OSTF1: variants seen among roughly 807,000 people sequenced by gnomAD.
OSTF1 encodes osteoclast stimulating factor 1, also known as osteoclast-stimulating factor 1.
In OSTF1, 27 loss-of-function variants were observed where a neutral mutation model predicts 37.2. That is an observed-to-expected ratio of 0.73 (90% CI 0.54 to 1.00). The LOEUF (loss-of-function observed/expected upper bound fraction) is 1.00, where lower values mean the gene tolerates loss of function less well. Ranked by LOEUF, OSTF1 falls within the 50% of genes least tolerant of loss-of-function variation. The probability of loss-of-function intolerance (pLI) is 0.00; values close to 1 mark genes in which losing one functional copy is unlikely to be tolerated. For synonymous variants in OSTF1, 82 were observed against 89.2 expected (o/e 0.92, Z 0.46); for missense variants, 232 against 253.8 (o/e 0.91, Z 0.58).
intron 1 of OSTF1, among the ~76,000 whole-genome samples, chr9:75,094,706 T>A (rs961209164): frequency 6.6e-6 from 1 of 151,934 alleles, no homozygotes; most frequent in Non-Finnish European, 1.5e-5. Context: ...TGGGCTGATA[T>A]GAGTGAGGTG....
At chr9:75,144,050 G>A (rs992366942) in intron 9 of OSTF1, among the ~76,000 whole-genome samples, 59 of 152,248 alleles carry the variant, frequency 3.9e-4, no homozygotes, top group African/African-American at 1.4e-3. Flanking sequence ...GGATAGTGGA[G>A]TAGAAGGGGA....
chr9:75,139,243 A>ATGTTACCCT (rs1825900645), intron 8 of OSTF1, among the ~76,000 whole-genome samples: 1 of 146,530 alleles, frequency 6.8e-6, no homozygotes. Flanking sequence ...CATGTTACCC[A>ATGTTACCCT]GTCTGGTCTT....
At chr9:75,114,387 A>C (rs530091584) in intron 1 of OSTF1, among the ~76,000 whole-genome samples, 1 of 152,158 alleles carries the variant, frequency 6.6e-6, no homozygotes, top group Admixed American at 6.5e-5. Flanking sequence ...ATTAACTAAA[A>C]TAATATTAAA....
At chr9:75,113,592 G>T (rs1403306704) in intron 1 of OSTF1, among the ~76,000 whole-genome samples, 2 of 152,080 alleles carry the variant, frequency 1.3e-5, no homozygotes, top group African/African-American at 4.8e-5. Context: ...GGTACTACAA[G>T]TGCATGTCAT....
At chr9:75,104,819 T>G (rs1030029464) in intron 1 of OSTF1, among the ~76,000 whole-genome samples, 1 of 152,178 alleles carries the variant, frequency 6.6e-6, no homozygotes, top group Non-Finnish European at 1.5e-5. Context: ...AAAAGAACAG[T>G]ATTCAGAGCA....
intron 9 of OSTF1, among the ~76,000 whole-genome samples, chr9:75,143,524 G>A (rs1015523127): frequency 3.9e-5 from 6 of 152,046 alleles, no homozygotes; most frequent in South Asian, 2.1e-4. Context: ...AGTTCTGCCC[G>A]TTCGTGAACT....
At chr9:75,101,122 T>A (rs1163197463) in intron 1 of OSTF1, among the ~76,000 whole-genome samples, 1 of 152,174 alleles carries the variant, frequency 6.6e-6, no homozygotes, top group East Asian at 1.9e-4. Flanking sequence ...TGACTTCTGC[T>A]TAGCCCCTCC....
At chr9:75,133,539 T>C (rs1825799567) in intron 6 of OSTF1, 138 bp downstream of exon 6, 2 of 590,524 alleles carry the variant, frequency 3.4e-6, no homozygotes, top group African/African-American at 3.7e-5. Context: ...CCAAAACCCT[T>C]GTTCCTGGAA....
At chr9:75,139,571 G>A (rs1330023847) in intron 8 of OSTF1, among the ~76,000 whole-genome samples, 3 of 152,024 alleles carry the variant, frequency 2.0e-5, no homozygotes, top group African/African-American at 7.2e-5. Flanking sequence ...TGGGATTACA[G>A]GCATGCGCCA....
intron 2 of OSTF1, among the ~76,000 whole-genome samples, chr9:75,119,630 G>C (rs376941634): frequency 1.3e-5 from 2 of 152,140 alleles, no homozygotes; most frequent in African/African-American, 4.8e-5. Flanking sequence ...GTCTTCTTAT[G>C]GTCTTTCCTC....
intron 1 of OSTF1, among the ~76,000 whole-genome samples, chr9:75,107,220 T>G (rs1416677327): frequency 6.6e-6 from 1 of 152,200 alleles, no homozygotes; most frequent in Non-Finnish European, 1.5e-5. Context: ...CTGTTTTGTT[T>G]TTCAACAGAA....
At chr9:75,098,987 A>G (rs577145098) in intron 1 of OSTF1, among the ~76,000 whole-genome samples, 57 of 152,166 alleles carry the variant, frequency 3.7e-4, no homozygotes, top group Non-Finnish European at 6.5e-4. Flanking sequence ...CCCAAGCTGG[A>G]GTGCAATGGC....
intron 3 of OSTF1, among the ~76,000 whole-genome samples, chr9:75,127,901 A>G (rs895409157): frequency 6.6e-6 from 1 of 152,096 alleles, no homozygotes; most frequent in African/African-American, 2.4e-5. Flanking sequence ...TAAGTGAAAA[A>G]AAAAGCAAAG....
chr9:75,146,325 G>C (rs1826024061), intron 9 of OSTF1, among the ~76,000 whole-genome samples: 1 of 152,240 alleles, frequency 6.6e-6, no homozygotes, highest in Admixed American at 6.5e-5. Context: ...CTTTAGGCAA[G>C]ACCTCAGGCT....
At chr9:75,095,527 A>G (rs1445284356) in intron 1 of OSTF1, among the ~76,000 whole-genome samples, 1 of 152,084 alleles carries the variant, frequency 6.6e-6, no homozygotes, top group Non-Finnish European at 1.5e-5. Context: ...GCAAAGGGGG[A>G]AAAGTCATTT....
chr9:75,131,433 G>T (rs1564166505), intron 4 of OSTF1, among the ~76,000 whole-genome samples: 1 of 152,156 alleles, frequency 6.6e-6, no homozygotes, highest in African/African-American at 2.4e-5. Flanking sequence ...GCTTCCTTTT[G>T]CATTTTTGTG....
intron 2 of OSTF1, among the ~76,000 whole-genome samples, chr9:75,126,341 A>G (rs1825661286): frequency 6.6e-6 from 1 of 152,240 alleles, no homozygotes; most frequent in South Asian, 2.1e-4. Context: ...ACACATGCTC[A>G]TGACAGAATT....
chr9:75,116,186 A>T (rs1337506992), intron 1 of OSTF1, among the ~76,000 whole-genome samples: 2 of 152,114 alleles, frequency 1.3e-5, no homozygotes, highest in Non-Finnish European at 2.9e-5. Context: ...TGTACATTGC[A>T]TTAAGTATAA....
rs1013153631 is a variant in OSTF1 at position 75,130,297 on chromosome 9, C to T, written c.133-281C>T. On this transcript the variant is annotated intron_variant, in intron 3 of 9. Transcript: ENST00000346234. ...AAATCATATAGCTAGTCTAAACTAGCGTAATTTGTTTTCTTCTGTTTCATG... is the reference window on the plus strand; with the variant it reads ...AAATCATATAGCTAGTCTAAACTAGTGTAATTTGTTTTCTTCTGTTTCATG... Among the ~76,000 whole-genome samples the T allele has an allele frequency of 4.6e-5, 7 of 152,100 alleles. No homozygotes were observed. The South Asian group carries it at 6.2e-4, about 14-fold the overall frequency.
Sources: allele counts gnomAD v4.1 joint callset (sites outside exome capture counted in the v4.1 genomes callset), GRCh38; gene constraint gnomAD v4.1.1; transcripts MANE v1.5; gene names NCBI Gene and HGNC (gene_info 2026-07-23, HGNC 2026-07-21).